Variants in METTL24 observed in about 807,000 individuals in gnomAD.
METTL24 encodes probable methyltransferase-like protein 24.
Under a neutral mutation model 32.7 loss-of-function variants are expected in METTL24, and 29 were observed. That is an observed-to-expected ratio of 0.89 (90% CI 0.66 to 1.21). The LOEUF (loss-of-function observed/expected upper bound fraction) is 1.21. METTL24 is among the 50% of genes most tolerant of loss of function. The pLI, the probability that METTL24 is intolerant of heterozygous loss-of-function variation, is 0.00. For synonymous variants in METTL24, 163 were observed against 179.5 expected (o/e 0.91, Z 0.73); for missense variants, 439 against 468.1 (o/e 0.94, Z 0.57).
chr6:110,261,710 T>C (rs1770734197), intron 4 of METTL24, among the ~76,000 whole-genome samples: 1 of 152,176 alleles, frequency 6.6e-6, no homozygotes, highest in Non-Finnish European at 1.5e-5. Flanking sequence ...GACCACATAG[T>C]TGGAAGTAAA....
At chr6:110,293,558 A>T (rs538855767) in intron 4 of METTL24, among the ~76,000 whole-genome samples, 4 of 152,038 alleles carry the variant, frequency 2.6e-5, no homozygotes, top group African/African-American at 9.6e-5. Flanking sequence ...AAATAATAAA[A>T]TTTTTACCTC....
intron 4 of METTL24, among the ~76,000 whole-genome samples, chr6:110,281,672 G>A (rs1771139283): frequency 6.6e-6 from 1 of 151,694 alleles, no homozygotes; most frequent in Non-Finnish European, 1.5e-5. Context: ...AGGAGCGGGG[G>A]GAGTAACAAC....
chr6:110,330,101 G>A (rs1011458542), intron 1 of METTL24, among the ~76,000 whole-genome samples: 1 of 152,256 alleles, frequency 6.6e-6, no homozygotes, highest in African/African-American at 2.4e-5. Context: ...CCGCAGTTCA[G>A]GCTCCAGGAG....
rs553372604 is a variant in METTL24, at chr6:110,335,370, A to G, written c.319-12498T>C. 4.6e-5 allele frequency among the ~76,000 whole-genome samples: 7 copies of G among 152,334 alleles called. No individual in the cohort carries two copies. The South Asian group carries it at 1.4e-3, about 32-fold the overall frequency. On this transcript the variant is annotated intron_variant, in intron 1 of 4. Transcript: ENST00000338882. ...GTACAGGTGACAAACTGTATAACAT[A>G]GCAGATCTAAGCTGATGAAATCTCG...
intron 1 of METTL24, among the ~76,000 whole-genome samples, chr6:110,346,214 A>G (rs1327387912): frequency 6.6e-6 from 1 of 152,224 alleles, no homozygotes; most frequent in Non-Finnish European, 1.5e-5. Context: ...CCATTGGTCT[A>G]TACCCAGTGA....
At chr6:110,272,878 G>C (rs1770982036) in intron 4 of METTL24, among the ~76,000 whole-genome samples, 1 of 152,062 alleles carries the variant, frequency 6.6e-6, no homozygotes, top group African/African-American at 2.4e-5. Context: ...TTTGTTGGAT[G>C]CATAGTTCAT....
At chr6:110,356,560 T>G (rs1772704005) in intron 1 of METTL24, among the ~76,000 whole-genome samples, 1 of 152,222 alleles carries the variant, frequency 6.6e-6, no homozygotes, top group Non-Finnish European at 1.5e-5. Context: ...CAGGCAGAGC[T>G]GAAGGCCTCA....
chr6:110,298,604 TG>T (rs768569598), intron 4 of METTL24, among the ~76,000 whole-genome samples: 2 of 152,136 alleles, frequency 1.3e-5, no homozygotes, highest in Non-Finnish European at 2.9e-5. Flanking sequence ...TTCTGGAAAG[TG>T]TAAGTCAGTT....
At chr6:110,253,811 T>G in intron 4 of METTL24, 1 of 1,135,844 alleles carries the variant, frequency 8.8e-7, no homozygotes, top group Non-Finnish European at 1.2e-6. Flanking sequence ...TTTTCAAATC[T>G]GCTTTTTAAC....
At chr6:110,348,415 A>C (rs1276074594) in intron 1 of METTL24, among the ~76,000 whole-genome samples, 1 of 152,242 alleles carries the variant, frequency 6.6e-6, no homozygotes, top group Non-Finnish European at 1.5e-5. Context: ...CCTAGATCCC[A>C]CGTATTACTT....
intron 4 of METTL24, among the ~76,000 whole-genome samples, chr6:110,263,140 A>G (rs1170627376): frequency 6.6e-6 from 1 of 152,168 alleles, no homozygotes; most frequent in African/African-American, 2.4e-5. Flanking sequence ...CAGGAGAAGG[A>G]AATAAAGGGT....
chr6:110,341,013 C>CT (rs139881889), intron 1 of METTL24, among the ~76,000 whole-genome samples: 21,361 of 149,020 alleles, frequency 0.14, 1,790 homozygotes, highest in East Asian at 0.41. Context: ...ATTATTAAAA[C>CT]TTTTTTTTTT....
chr6:110,283,306 A>G (rs1032499200), intron 4 of METTL24, among the ~76,000 whole-genome samples: 19 of 152,322 alleles, frequency 1.2e-4, no homozygotes, highest in Non-Finnish European at 2.2e-4. Context: ...AAAGGCAGGG[A>G]CATATCTGGT....
At chr6:110,311,259 G>A (rs1771715911) in intron 3 of METTL24, among the ~76,000 whole-genome samples, 1 of 152,012 alleles carries the variant, frequency 6.6e-6, no homozygotes, top group East Asian at 1.9e-4. Context: ...GGGTCCTGGA[G>A]CCTTAGTAAG....
At chr6:110,317,050 G>A (rs1011109934) in intron 2 of METTL24, among the ~76,000 whole-genome samples, 8 of 152,072 alleles carry the variant, frequency 5.3e-5, no homozygotes, top group Admixed American at 2.0e-4. Context: ...TATCCCCTCC[G>A]GCTGGCCTGG....
chr6:110,324,129 C>T (rs56724015), intron 1 of METTL24, among the ~76,000 whole-genome samples: 21,495 of 152,104 alleles, frequency 0.14, 1,909 homozygotes, highest in South Asian at 0.23. Context: ...TGAAGCCAGA[C>T]GGTCTGGGTT....
chr6:110,269,721 C>T (rs1167500223), intron 4 of METTL24, among the ~76,000 whole-genome samples: 2 of 151,870 alleles, frequency 1.3e-5, no homozygotes, highest in Non-Finnish European at 2.9e-5. Context: ...TTTTGAATTG[C>T]GGAAGCAGAA....
intron 4 of METTL24, among the ~76,000 whole-genome samples, chr6:110,257,797 G>A (rs546347331): frequency 6.6e-6 from 1 of 152,196 alleles, no homozygotes; most frequent in South Asian, 2.1e-4. Context: ...CCACATGCTG[G>A]TAATCTTTGG....
chr6:110,271,180 C>T (rs1160817983), intron 4 of METTL24, among the ~76,000 whole-genome samples: 1 of 152,016 alleles, frequency 6.6e-6, no homozygotes, highest in Non-Finnish European at 1.5e-5. Context: ...TTTTGAAGTG[C>T]AGTTGCCAAA....
Sources: allele counts gnomAD v4.1 joint callset (sites outside exome capture counted in the v4.1 genomes callset), GRCh38; gene constraint gnomAD v4.1.1; transcripts MANE v1.5; gene names NCBI Gene and HGNC (gene_info 2026-07-23, HGNC 2026-07-21).